The following MUC7 variants were observed in gnomAD, a reference collection of about 807,000 sequenced individuals.
MUC7 encodes mucin-7.
Under a neutral mutation model 2.5 loss-of-function variants are expected in MUC7, and 2 were observed. The ratio of observed to expected loss-of-function variants is 0.81; its 90% CI spans 0.33 to 2.55. The LOEUF (loss-of-function observed/expected upper bound fraction) is 2.55. Among genes scored for constraint, MUC7 ranks in the 30% most tolerant of loss-of-function variants. MUC7 has a pLI of 0.11. For missense variants in MUC7, 408 were observed against 455.6 expected (o/e 0.90, Z 0.95); for synonymous variants, 133 against 173.4 (o/e 0.77, Z 1.83).
chr4:70,447,808 A>C (rs1331815718), intron 1 of MUC7, among the ~76,000 whole-genome samples: 3 of 152,164 alleles, frequency 2.0e-5, no homozygotes, highest in African/African-American at 7.2e-5. Context: ...ATACTCTTTC[A>C]GTTATTTTTA....
At chr4:70,450,922 G>A (rs903467847) in intron 1 of MUC7, among the ~76,000 whole-genome samples, 1 of 152,152 alleles carries the variant, frequency 6.6e-6, no homozygotes, top group African/African-American at 2.4e-5. Context: ...ATGGGGAGGA[G>A]TGATGCCAGC....
At position 70,430,631 on chromosome 4, in the gene MUC7, A is replaced by G. The variant is rs141963156; in HGVS notation, c.-149A>G. ...CCAAAATGCCTAGACACAGTAACTAACAAGAATTCAACTGACAAGTAGTTT... is the reference window on the plus strand; with the variant it reads ...CCAAAATGCCTAGACACAGTAACTAGCAAGAATTCAACTGACAAGTAGTTT... On this transcript the variant is annotated 5_prime_UTR_variant, in exon 1 of 4. Transcript: ENST00000413702. 2.2e-3 allele frequency: 340 copies of G among 152,278 alleles called. 1 individual carries two copies. The highest frequency in any genetic ancestry group is 7.4e-3 in the African/African-American group (306 of 41,592). The allele number at this position is 152,278 out of a possible 1,614,324, so 9.4% of individuals were successfully genotyped here.
At chr4:70,445,097 C>A (rs952911652) in intron 1 of MUC7, among the ~76,000 whole-genome samples, 2 of 152,088 alleles carry the variant, frequency 1.3e-5, no homozygotes, top group African/African-American at 2.4e-5. Context: ...CCCTTGAAAC[C>A]AAACGAACTT....
chr4:70,446,834 T>C (rs533962891), intron 1 of MUC7, among the ~76,000 whole-genome samples: 2 of 152,316 alleles, frequency 1.3e-5, no homozygotes, highest in South Asian at 2.1e-4. Flanking sequence ...TAGATAATGG[T>C]TCTTTCAGAA....
chr4:70,447,723 T>C (rs9996490), intron 1 of MUC7, among the ~76,000 whole-genome samples: 14,126 of 152,202 alleles, frequency 0.093, 854 homozygotes, highest in African/African-American at 0.16. Context: ...ATGCAGTGTA[T>C]AATAATCACA....
At chr4:70,480,723 C>G (rs1735137894) in intron 2 of MUC7, 76 bp from the exon 3 acceptor site, 2 of 1,460,664 alleles carry the variant, frequency 1.4e-6, no homozygotes, top group Non-Finnish European at 1.9e-6. Context: ...TACCGCTCAT[C>G]TCATGGTCAG....
chr4:70,478,132 A>C (rs1279915373), intron 2 of MUC7, among the ~76,000 whole-genome samples: 1 of 152,236 alleles, frequency 6.6e-6, no homozygotes, highest in African/African-American at 2.4e-5. Flanking sequence ...AGCTAACATT[A>C]AAATTAATAG....
At chr4:70,474,345 A>G (rs1445769358) in intron 2 of MUC7, among the ~76,000 whole-genome samples, 1 of 151,766 alleles carries the variant, frequency 6.6e-6, no homozygotes, top group Non-Finnish European at 1.5e-5. Context: ...CAGTATCTCC[A>G]CAACAACAAC....
At chr4:70,479,452 C>T (rs778056668) in intron 2 of MUC7, among the ~76,000 whole-genome samples, 1 of 152,138 alleles carries the variant, frequency 6.6e-6, no homozygotes, top group Non-Finnish European at 1.5e-5. Context: ...CCAAAGAAAG[C>T]TTTATAACTT....
At chr4:70,454,975 T>A (rs192582844) in intron 1 of MUC7, among the ~76,000 whole-genome samples, 33 of 152,294 alleles carry the variant, frequency 2.2e-4, no homozygotes, top group Non-Finnish European at 4.3e-4. Flanking sequence ...TATTAAACCC[T>A]TTTATAGATA....
At chr4:70,480,115 A>T (rs1019150457) in intron 2 of MUC7, among the ~76,000 whole-genome samples, 1 of 152,248 alleles carries the variant, frequency 6.6e-6, no homozygotes, top group Non-Finnish European at 1.5e-5. Context: ...TGCTCTATCC[A>T]GACAAAATGC....
At chr4:70,455,756 G>A (rs4694065) in intron 1 of MUC7, among the ~76,000 whole-genome samples, 122,812 of 152,098 alleles carry the variant, frequency 0.81, 50,055 homozygotes, top group Middle Eastern at 0.88. Context: ...CGAGCTTTAC[G>A]AAAAGATGTC....
Position 70,473,844 on chromosome 4 carries a change from C to T in MUC7, c.-15-163C>T, listed in dbSNP as rs561478594. Reference sequence around the variant, plus strand: ...AAAAGAATGCATTTTAGGCCTGAAGCAATTTTGCATCACCCCTATGGAATG... The same window carrying T: ...AAAAGAATGCATTTTAGGCCTGAAGTAATTTTGCATCACCCCTATGGAATG... On this transcript the variant is annotated intron_variant, in intron 1 of 2. Coordinates refer to ENST00000304887, the MANE Select transcript of MUC7 (RefSeq NM_152291.3). Among the ~76,000 whole-genome samples the T allele has an allele frequency of 1.8e-4, 27 of 152,264 alleles. No individual in the cohort carries two copies. In the South Asian group the frequency reaches 5.4e-3, roughly 30 times the overall value.
At chr4:70,438,748 G>T (rs182502624) in intron 1 of MUC7, among the ~76,000 whole-genome samples, 1 of 151,982 alleles carries the variant, frequency 6.6e-6, no homozygotes, top group African/African-American at 2.4e-5. Flanking sequence ...ATGAGCCACC[G>T]CACCTGGCCA....
intron 1 of MUC7, among the ~76,000 whole-genome samples, chr4:70,448,675 C>A (rs1734200639): frequency 6.6e-6 from 1 of 152,094 alleles, no homozygotes; most frequent in Non-Finnish European, 1.5e-5. Context: ...GTTATTAATG[C>A]CTTGTCAGAT....
At chr4:70,474,135 C>A (rs756588125) in intron 2 of MUC7, 60 bp downstream of exon 2, 16 of 1,389,584 alleles carry the variant, frequency 1.2e-5, no homozygotes, top group Non-Finnish European at 1.5e-5. Flanking sequence ...TTTAGTGTAC[C>A]TACCTGAGAC....
upstream of MUC7, among the ~76,000 whole-genome samples, chr4:70,467,984 T>C (rs912122522): frequency 6.6e-6 from 1 of 152,170 alleles, no homozygotes; most frequent in Non-Finnish European, 1.5e-5. Context: ...ATATCCCTGA[T>C]GAACATCGAT....
chr4:70,455,405 T>G (rs1049225964), intron 1 of MUC7, among the ~76,000 whole-genome samples: 16 of 152,232 alleles, frequency 1.1e-4, no homozygotes, highest in African/African-American at 3.9e-4. Flanking sequence ...AGCTAGAATG[T>G]ATTCAAATTC....
chr4:70,447,705 A>T (rs540120346), intron 1 of MUC7, among the ~76,000 whole-genome samples: 1 of 152,302 alleles, frequency 6.6e-6, no homozygotes, highest in Admixed American at 6.5e-5. Flanking sequence ...AGATACTTTG[A>T]TACAGGCATG....
Sources: allele counts gnomAD v4.1 joint callset (sites outside exome capture counted in the v4.1 genomes callset), GRCh38; gene constraint gnomAD v4.1.1; transcripts MANE v1.5; gene names NCBI Gene and HGNC (gene_info 2026-07-23, HGNC 2026-07-21).